SERPINB10: variants seen among roughly 807,000 people sequenced by gnomAD.
SERPINB10 encodes the protein serpin B10.
A neutral mutation model predicts 39.1 loss-of-function variants in SERPINB10; 35 were observed. The observed-to-expected ratio is 0.90, with a 90% confidence interval of 0.68 to 1.19. The LOEUF (loss-of-function observed/expected upper bound fraction) is 1.19. Among genes scored for constraint, SERPINB10 ranks in the 50% most tolerant of loss-of-function variants. The probability of loss-of-function intolerance (pLI) is 0.00; values close to 1 mark genes in which losing one functional copy is unlikely to be tolerated. For synonymous variants in SERPINB10, 190 were observed against 158.1 expected (o/e 1.20, Z -1.52); for missense variants, 546 against 460.5 (o/e 1.19, Z -1.70).
At chr18:63,913,587 T>A (rs528613108) in intron 1 of SERPINB10, among the ~76,000 whole-genome samples, 2 of 152,052 alleles carry the variant, frequency 1.3e-5, no homozygotes, top group Non-Finnish European at 2.9e-5. Flanking sequence ...TTTTGAGAAA[T>A]CTTCTTGGCA....
intron 1 of SERPINB10, among the ~76,000 whole-genome samples, chr18:63,910,301 A>G (rs184155245): frequency 1.2e-3 from 175 of 152,076 alleles, no homozygotes; most frequent in Non-Finnish European, 2.1e-3. Flanking sequence ...TTATTTTTTA[A>G]ATAATTTCAG....
At chr18:63,909,843 T>A (rs1275355756) in intron 1 of SERPINB10, among the ~76,000 whole-genome samples, 1 of 152,120 alleles carries the variant, frequency 6.6e-6, no homozygotes, top group East Asian at 1.9e-4. Context: ...AGAGTTATTT[T>A]GAAGATGGCA....
chr18:63,922,787 A>G (rs77532251), intron 5 of SERPINB10, among the ~76,000 whole-genome samples: 2,380 of 152,092 alleles, frequency 0.016, 70 homozygotes, highest in African/African-American at 0.053. Flanking sequence ...TGCACTGTCC[A>G]GTGGAGTAGC....
chr18:63,928,065 G>A (rs2050193173), intron 5 of SERPINB10, among the ~76,000 whole-genome samples: 1 of 151,220 alleles, frequency 6.6e-6, no homozygotes, highest in African/African-American at 2.4e-5. Flanking sequence ...TTTCAATCAT[G>A]TTTAATTTTT....
At chr18:63,929,436 G>A (rs1047212838) in intron 5 of SERPINB10, among the ~76,000 whole-genome samples, 6 of 151,946 alleles carry the variant, frequency 3.9e-5, no homozygotes, top group Non-Finnish European at 7.4e-5. Context: ...TACTCTAAGA[G>A]TAGAGGAGGG....
Position 63,935,314 on chromosome 18 carries a change from A to G in SERPINB10, c.*72A>G, listed in dbSNP as rs914874304. 129 of 1,453,724 alleles carry G rather than the reference A, an allele frequency of 8.9e-5. No homozygotes were observed. Among genetic ancestry groups the G allele is most frequent in the Admixed American group, 1.4e-4 (6 of 42,744 alleles). 90.1% of individuals were successfully genotyped at this position (1,453,724 alleles called of 1,614,324 possible). On this transcript the variant is annotated 3_prime_UTR_variant, in exon 8 of 8. Transcript: ENST00000238508. ...ATGTACCATGAGATGGAAAAGCACA[A>G]TTTTCACAAAAATGAGTTTGTAGTC...
At chr18:63,908,206 C>T (rs1054063822) in intron 1 of SERPINB10, among the ~76,000 whole-genome samples, 166 bp downstream of exon 1, 6 of 151,818 alleles carry the variant, frequency 4.0e-5, no homozygotes, top group African/African-American at 1.5e-4. Context: ...CAGAGAGTAA[C>T]CTGAGCTGGT....
At chr18:63,910,086 T>C (rs2050053002) in intron 1 of SERPINB10, among the ~76,000 whole-genome samples, 1 of 151,966 alleles carries the variant, frequency 6.6e-6, no homozygotes, top group Non-Finnish European at 1.5e-5. Context: ...ACAGTATCAC[T>C]ATTAACTCCA....
intron 1 of SERPINB10, among the ~76,000 whole-genome samples, chr18:63,909,747 T>C (rs1161093110): frequency 6.6e-6 from 1 of 152,062 alleles, no homozygotes. Context: ...ATTTAATTCA[T>C]GAGTTTTAAA....
chr18:63,924,645 C>T (rs1166448648), intron 5 of SERPINB10, among the ~76,000 whole-genome samples: 1 of 151,848 alleles, frequency 6.6e-6, no homozygotes, highest in Non-Finnish European at 1.5e-5. Flanking sequence ...ATTGATGTTC[C>T]CTGCCCCCAA....
Position 63,917,503 on chromosome 18 carries a change from T to TG in SERPINB10, c.217dup (p.Glu73GlyfsTer19), listed in dbSNP as rs2050112473. 35 of 1,568,144 alleles carry TG rather than the reference T, an allele frequency of 2.2e-5. No individual in the cohort carries two copies. The highest frequency in any genetic ancestry group is 3.0e-5 in the Non-Finnish European group (35 of 1,157,800). ...AGGGAGTCAAATGTGACCCTGAAAG[T>TG]GAAAAAAAAAGGAAAATGGTATATC... On this transcript the variant is annotated frameshift_variant, in exon 3 of 8. Transcript: ENST00000238508. LOFTEE classifies it high-confidence loss of function.
At position 63,915,692 on chromosome 18, in the gene SERPINB10, G is replaced by C; in HGVS notation, c.168+14G>C. 3.8e-6 allele frequency: 6 copies of C among 1,586,534 alleles called. No homozygotes were observed. Among genetic ancestry groups the C allele is most frequent in the Non-Finnish European group, 5.2e-6 (6 of 1,162,680 alleles). On this transcript the variant is annotated intron_variant, in intron 2 of 7. Coordinates refer to ENST00000238508, the MANE Select transcript of SERPINB10 (RefSeq NM_005024.3). Reference sequence around the variant, plus strand: ...CAAATGGCCCAGGTGAGTGGAAAAGGTCAACTATCTTCTGTTTCTTGTAAG... The same window carrying C: ...CAAATGGCCCAGGTGAGTGGAAAAGCTCAACTATCTTCTGTTTCTTGTAAG...
intron 1 of SERPINB10, among the ~76,000 whole-genome samples, chr18:63,913,479 CTG>C (rs2050079584): frequency 6.6e-6 from 1 of 151,900 alleles, no homozygotes; most frequent in Non-Finnish European, 1.5e-5. Context: ...TGTTATGTCT[CTG>C]TGTCTATTTC....
intron 7 of SERPINB10, among the ~76,000 whole-genome samples, chr18:63,933,709 G>A (rs1383735593): frequency 6.6e-6 from 1 of 152,190 alleles, no homozygotes; most frequent in African/African-American, 2.4e-5. Context: ...AGGAGAAAAA[G>A]TCTCTATCAA....
intron 3 of SERPINB10, 55 bp from the exon 4 acceptor site, chr18:63,917,910 C>T (rs2050115647): frequency 2.0e-6 from 3 of 1,508,030 alleles, no homozygotes; most frequent in Non-Finnish European, 2.7e-6. Context: ...AGTTTGCTAA[C>T]ATGTACGTAA....
intron 5 of SERPINB10, among the ~76,000 whole-genome samples, chr18:63,929,712 CAAAAAAA>C (rs74169990): frequency 1.0e-4 from 10 of 97,372 alleles, no homozygotes; most frequent in South Asian, 7.7e-4. Flanking sequence ...AGCTAAAGTG[CAAAAAAA>C]AAAAAAAAAA....
intron 5 of SERPINB10, among the ~76,000 whole-genome samples, chr18:63,929,728 A>AG (rs1568249513): frequency 1.1e-5 from 1 of 88,546 alleles, no homozygotes; most frequent in Non-Finnish European, 2.5e-5. Flanking sequence ...AAAAAAAAAA[A>AG]AAAAAGAAAA....
chr18:63,921,001 G>A (rs1402205489), intron 5 of SERPINB10, among the ~76,000 whole-genome samples: 4 of 152,028 alleles, frequency 2.6e-5, no homozygotes, highest in Non-Finnish European at 2.9e-5. Flanking sequence ...ACAGTTTAAA[G>A]CTTCAGCAAT....
At chr18:63,913,182 C>A (rs1444114000) in intron 1 of SERPINB10, among the ~76,000 whole-genome samples, 5 of 151,748 alleles carry the variant, frequency 3.3e-5, no homozygotes, top group Admixed American at 3.3e-4. Flanking sequence ...CTTTGTTAAT[C>A]TAGCCTGCAG....
Sources: allele counts gnomAD v4.1 joint callset (sites outside exome capture counted in the v4.1 genomes callset), GRCh38; gene constraint gnomAD v4.1.1; transcripts MANE v1.5; gene names NCBI Gene and HGNC (gene_info 2026-07-23, HGNC 2026-07-21).